Variants in RBMS3 observed in about 807,000 individuals in gnomAD.
RBMS3 encodes RNA-binding motif, single-stranded-interacting protein 3.
In RBMS3, 27 loss-of-function variants were observed where a neutral mutation model predicts 66.8. The observed-to-expected ratio is 0.40, with a 90% confidence interval of 0.30 to 0.56. The LOEUF (loss-of-function observed/expected upper bound fraction) is 0.56. Ranked by LOEUF, RBMS3 falls within the 20% of genes least tolerant of loss-of-function variation. The pLI, the probability that RBMS3 is intolerant of heterozygous loss-of-function variation, is 0.40. For synonymous variants in RBMS3, 188 were observed against 183.0 expected (o/e 1.03, Z -0.22); for missense variants, 513 against 549.5 (o/e 0.93, Z 0.66).
intron 1 of RBMS3, among the ~76,000 whole-genome samples, chr3:29,370,544 G>C (rs2038146257): frequency 6.6e-6 from 1 of 152,058 alleles, no homozygotes; most frequent in African/African-American, 2.4e-5. Context: ...GTTAATTGTG[G>C]TATAAACCTG....
At chr3:29,435,930 C>T (rs1422304682) in intron 2 of RBMS3, among the ~76,000 whole-genome samples, 6 of 151,254 alleles carry the variant, frequency 4.0e-5, no homozygotes, top group South Asian at 2.1e-4. Flanking sequence ...GCCGAGATCA[C>T]GCCACTGCAC....
intron 4 of RBMS3, among the ~76,000 whole-genome samples, chr3:29,719,286 G>A (rs2053536852): frequency 6.6e-6 from 1 of 152,134 alleles, no homozygotes; most frequent in Non-Finnish European, 1.5e-5. Flanking sequence ...CTAAGACATT[G>A]GACTAGGAGC....
At chr3:29,603,291 A>G (rs1328295522) in intron 4 of RBMS3, among the ~76,000 whole-genome samples, 1 of 152,008 alleles carries the variant, frequency 6.6e-6, no homozygotes, top group South Asian at 2.1e-4. Context: ...CTGGATGTCA[A>G]TATCCTATCT....
intron 3 of RBMS3, among the ~76,000 whole-genome samples, chr3:29,565,043 T>G (rs896687356): frequency 6.6e-6 from 1 of 152,186 alleles, no homozygotes; most frequent in African/African-American, 2.4e-5. Flanking sequence ...CATTCTTAGG[T>G]TGATCTTTTT....
chr3:29,308,184 T>C (rs2034133016), intron 1 of RBMS3, among the ~76,000 whole-genome samples: 1 of 151,888 alleles, frequency 6.6e-6, no homozygotes, highest in Non-Finnish European at 1.5e-5. Flanking sequence ...GACAAATAAA[T>C]GTTGAGTTTA....
At chr3:29,950,044 A>G (rs1209205855) in intron 12 of RBMS3, among the ~76,000 whole-genome samples, 1 of 151,772 alleles carries the variant, frequency 6.6e-6, no homozygotes, top group East Asian at 1.9e-4. Flanking sequence ...TATTTTAGCT[A>G]TTCTATTTCC....
At chr3:29,478,276 T>C (rs1447294583) in intron 2 of RBMS3, among the ~76,000 whole-genome samples, 24 of 152,148 alleles carry the variant, frequency 1.6e-4, no homozygotes, top group Admixed American at 1.6e-3. Flanking sequence ...AATATAAAAA[T>C]TTATATTTCA....
At chr3:29,666,720 A>G (rs537663336) in intron 4 of RBMS3, among the ~76,000 whole-genome samples, 50 of 152,306 alleles carry the variant, frequency 3.3e-4, no homozygotes, top group African/African-American at 1.1e-3. Context: ...CATTAATTTC[A>G]TAACTTTTTA....
intron 6 of RBMS3, among the ~76,000 whole-genome samples, chr3:29,779,284 T>TC (rs1430080896): frequency 6.6e-6 from 1 of 150,438 alleles, no homozygotes; most frequent in Non-Finnish European, 1.5e-5. Flanking sequence ...TGTGTGTGTG[T>TC]ATATATATGT....
chr3:29,956,397 C>T (rs955897078), intron 12 of RBMS3, among the ~76,000 whole-genome samples: 6 of 152,080 alleles, frequency 3.9e-5, no homozygotes, highest in South Asian at 2.1e-4. Flanking sequence ...GCACATTCCT[C>T]GCTATCTTCT....
chr3:29,307,289 A>G (rs990157896), intron 1 of RBMS3, among the ~76,000 whole-genome samples: 1 of 151,924 alleles, frequency 6.6e-6, no homozygotes, highest in Non-Finnish European at 1.5e-5. Context: ...GGAAGATCCA[A>G]CTTTCTCCAA....
intron 14 of RBMS3, among the ~76,000 whole-genome samples, chr3:29,992,121 T>C (rs183542115): frequency 1.2e-4 from 18 of 152,298 alleles, no homozygotes; most frequent in African/African-American, 4.3e-4. Flanking sequence ...ATAAAATCCC[T>C]GATGAATAGA....
intron 6 of RBMS3, among the ~76,000 whole-genome samples, chr3:29,849,813 C>G (rs1485138434): frequency 6.6e-6 from 1 of 152,146 alleles, no homozygotes; most frequent in Non-Finnish European, 1.5e-5. Flanking sequence ...GAGAATGCAT[C>G]TCACCTATGT....
At chr3:29,540,283 C>T (rs1162736727) in intron 3 of RBMS3, among the ~76,000 whole-genome samples, 1 of 152,046 alleles carries the variant, frequency 6.6e-6, no homozygotes, top group Non-Finnish European at 1.5e-5. Context: ...TGTATACTTC[C>T]CTGATATATT....
intron 3 of RBMS3, among the ~76,000 whole-genome samples, chr3:29,543,741 A>C (rs1559454607): frequency 6.6e-6 from 1 of 152,100 alleles, no homozygotes; most frequent in Non-Finnish European, 1.5e-5. Flanking sequence ...TAAATCACTT[A>C]GTTGATTCTC....
At chr3:29,291,261 C>G (rs2032790502) in intron 1 of RBMS3, among the ~76,000 whole-genome samples, 2 of 151,890 alleles carry the variant, frequency 1.3e-5, no homozygotes, top group African/African-American at 4.8e-5. Context: ...GTCAGAGCAT[C>G]TAAAAAGCTG....
At chr3:29,909,011 G>A (rs2060453022) in intron 10 of RBMS3, among the ~76,000 whole-genome samples, 1 of 151,958 alleles carries the variant, frequency 6.6e-6, no homozygotes, top group South Asian at 2.1e-4. Flanking sequence ...GATGTTTGTG[G>A]GGCTAAAATG....
At chr3:29,434,495 T>C (rs1048943465) in intron 1 of RBMS3, among the ~76,000 whole-genome samples, 16 of 152,206 alleles carry the variant, frequency 1.1e-4, no homozygotes, top group African/African-American at 3.6e-4. Context: ...TGCCATATGC[T>C]ACTGCCAGGA....
intron 12 of RBMS3, among the ~76,000 whole-genome samples, chr3:29,982,516 G>T (rs554116187): frequency 6.6e-6 from 1 of 152,044 alleles, no homozygotes; most frequent in South Asian, 2.1e-4. Flanking sequence ...TTAGGGTGTC[G>T]ATTTTAGATC....
Sources: allele counts gnomAD v4.1 joint callset (sites outside exome capture counted in the v4.1 genomes callset), GRCh38; gene constraint gnomAD v4.1.1; transcripts MANE v1.5; gene names NCBI Gene and HGNC (gene_info 2026-07-23, HGNC 2026-07-21).